NRG3: variants seen among roughly 807,000 people sequenced by gnomAD.
The protein encoded by NRG3 is pro-neuregulin-3, membrane-bound isoform.
A neutral mutation model predicts 66.9 loss-of-function variants in NRG3; 31 were observed. The ratio of observed to expected loss-of-function variants is 0.46; its 90% CI spans 0.35 to 0.63. NRG3 has a LOEUF of 0.63. Among genes scored for constraint, NRG3 ranks in the 20% least tolerant of loss-of-function variants. NRG3 has a pLI of 0.00. For synonymous variants in NRG3, 393 were observed against 359.4 expected, an observed-to-expected ratio of 1.09 and a Z score of -1.06; for missense variants, 910 against 878.9, an observed-to-expected ratio of 1.04 and a Z score of -0.45.
At chr10:82,753,150 A>C (rs1591412866) in intron 3 of NRG3, among the ~76,000 whole-genome samples, 1 of 152,264 alleles carries the variant, frequency 6.6e-6, no homozygotes, top group South Asian at 2.1e-4. Context: ...CTTTGACATG[A>C]CGGTTTGTTT....
chr10:82,510,283 G>A (rs7079582), intron 2 of NRG3, among the ~76,000 whole-genome samples: 8,090 of 151,946 alleles, frequency 0.053, 483 homozygotes, highest in East Asian at 0.17. Flanking sequence ...TGTTTCCATC[G>A]TGCATCTAGT....
intron 1 of NRG3, among the ~76,000 whole-genome samples, chr10:82,093,185 A>G (rs1228953923): frequency 6.6e-6 from 1 of 152,214 alleles, no homozygotes; most frequent in Non-Finnish European, 1.5e-5. Flanking sequence ...TTATTCAGAT[A>G]AGGACACAAT....
At chr10:82,473,572 A>G (rs943976268) in intron 2 of NRG3, among the ~76,000 whole-genome samples, 2 of 152,130 alleles carry the variant, frequency 1.3e-5, no homozygotes, top group Admixed American at 6.5e-5. Context: ...TAAACACCCA[A>G]TCATGGAAAA....
At chr10:82,203,038 T>C (rs1475369285) in intron 1 of NRG3, among the ~76,000 whole-genome samples, 2 of 151,968 alleles carry the variant, frequency 1.3e-5, no homozygotes, top group East Asian at 3.9e-4. Context: ...GATGAAGAAG[T>C]TGGAGTAACT....
chr10:82,856,762 A>C (rs1190419937), intron 3 of NRG3, among the ~76,000 whole-genome samples: 2 of 150,848 alleles, frequency 1.3e-5, no homozygotes, highest in African/African-American at 2.4e-5. Flanking sequence ...AAAACAAAAA[A>C]AAAAAAAAAA....
intron 1 of NRG3, 121 bp from the exon 2 acceptor site, chr10:82,358,618 A>G: frequency 7.4e-7 from 1 of 1,352,790 alleles, no homozygotes; most frequent in Non-Finnish European, 1.0e-6. Flanking sequence ...CTGTCTGTCT[A>G]GAGTCCCAGA....
At chr10:82,092,187 G>A (rs139430803) in intron 1 of NRG3, among the ~76,000 whole-genome samples, 2 of 152,176 alleles carry the variant, frequency 1.3e-5, no homozygotes, top group African/African-American at 2.4e-5. Flanking sequence ...TAAAGACATG[G>A]CATCTCAGGG....
intron 2 of NRG3, among the ~76,000 whole-genome samples, chr10:82,679,366 T>A (rs191061431): frequency 1.4e-3 from 219 of 152,334 alleles, no homozygotes; most frequent in Non-Finnish European, 1.2e-3. Context: ...AGTATTTTTC[T>A]TACTCTAGTG....
intron 4 of NRG3, among the ~76,000 whole-genome samples, chr10:82,895,439 A>T (rs1843558614): frequency 6.6e-6 from 1 of 152,020 alleles, no homozygotes; most frequent in Non-Finnish European, 1.5e-5. Context: ...ATCATATTTT[A>T]AGATTATCTG....
intron 3 of NRG3, among the ~76,000 whole-genome samples, chr10:82,759,692 T>C (rs2135043616): frequency 6.6e-6 from 1 of 152,286 alleles, no homozygotes; most frequent in Non-Finnish European, 1.5e-5. Context: ...TGAGAAGTTG[T>C]ATGTTCCAGC....
chr10:82,211,758 G>A (rs571247037), intron 1 of NRG3, among the ~76,000 whole-genome samples: 1 of 152,162 alleles, frequency 6.6e-6, no homozygotes, highest in South Asian at 2.1e-4. Flanking sequence ...AGTGTGTAGA[G>A]CCTTCCACAT....
intron 2 of NRG3, among the ~76,000 whole-genome samples, chr10:82,408,129 AAG>A (rs113052483): frequency 0.038 from 4,901 of 128,884 alleles, 138 homozygotes; most frequent in East Asian, 0.058. Flanking sequence ...GAAAGAAAGA[AAG>A]AAAGAAAGAA....
At chr10:82,218,394 A>G (rs1564675622) in intron 1 of NRG3, among the ~76,000 whole-genome samples, 2 of 152,206 alleles carry the variant, frequency 1.3e-5, no homozygotes, top group African/African-American at 4.8e-5. Flanking sequence ...TAGCCAATAT[A>G]CAAGACTCTG....
intron 8 of NRG3, among the ~76,000 whole-genome samples, chr10:82,982,584 G>A (rs573021076): frequency 2.0e-4 from 30 of 152,270 alleles, no homozygotes; most frequent in African/African-American, 6.7e-4. Context: ...GCTTGCCACT[G>A]TGTCTCTGGT....
chr10:81,926,644 C>A (rs1401639576), intron 1 of NRG3, among the ~76,000 whole-genome samples: 1 of 152,054 alleles, frequency 6.6e-6, no homozygotes, highest in Non-Finnish European at 1.5e-5. Flanking sequence ...GCTTCCCAAT[C>A]TTTTATTGTG....
At chr10:82,933,856 T>C (rs1482464159) in intron 4 of NRG3, among the ~76,000 whole-genome samples, 1 of 152,220 alleles carries the variant, frequency 6.6e-6, no homozygotes, top group Admixed American at 6.5e-5. Context: ...TCCCATGTTC[T>C]AAAATAGAGT....
intron 2 of NRG3, among the ~76,000 whole-genome samples, chr10:82,395,338 A>G (rs2086647848): frequency 6.6e-6 from 1 of 152,186 alleles, no homozygotes; most frequent in South Asian, 2.1e-4. Context: ...ACAGAAAATT[A>G]TACAACCAAT....
At chr10:81,932,233 AGAGAG>A in intron 1 of NRG3, among the ~76,000 whole-genome samples, 1 of 150,710 alleles carries the variant, frequency 6.6e-6, no homozygotes, top group East Asian at 2.0e-4. Flanking sequence ...AGAGATTGAG[AGAGAG>A]GAGAGAGAGG....
intron 2 of NRG3, among the ~76,000 whole-genome samples, chr10:82,413,199 G>T (rs916433335): frequency 6.6e-6 from 1 of 152,102 alleles, no homozygotes; most frequent in African/African-American, 2.4e-5. Context: ...CTTATGAAAC[G>T]TATTTCTTAG....
Sources: allele counts gnomAD v4.1 joint callset (sites outside exome capture counted in the v4.1 genomes callset), GRCh38; gene constraint gnomAD v4.1.1; transcripts MANE v1.5; gene names NCBI Gene and HGNC (gene_info 2026-07-23, HGNC 2026-07-21).